ATP10B: variants seen among roughly 807,000 people sequenced by gnomAD.
The protein encoded by ATP10B is ATPase phospholipid transporting 10B (putative), also known as phospholipid-transporting ATPase VB.
ATP10B carries 122 observed loss-of-function variants against 141.2 expected under a neutral mutation model. The ratio of observed to expected loss-of-function variants is 0.86; its 90% CI spans 0.75 to 1.00. The LOEUF (loss-of-function observed/expected upper bound fraction) is 1.00, where lower values mean the gene tolerates loss of function less well. Among genes scored for constraint, ATP10B ranks in the 50% least tolerant of loss-of-function variants. The pLI is 0.00. For missense variants in ATP10B, 1,876 were observed against 1,825.3 expected, an observed-to-expected ratio of 1.03 and a Z score of -0.51; for synonymous variants, 685 against 692.0, an observed-to-expected ratio of 0.99 and a Z score of 0.16.
chr5:160,708,303 G>T (rs1158878633), intron 3 of ATP10B, among the ~76,000 whole-genome samples: 1 of 152,128 alleles, frequency 6.6e-6, no homozygotes, highest in Non-Finnish European at 1.5e-5. Flanking sequence ...CGTGCAGGTA[G>T]CTACACTCAA....
chr5:160,817,784 C>T (rs1274055405), intron 1 of ATP10B, among the ~76,000 whole-genome samples: 1 of 152,162 alleles, frequency 6.6e-6, no homozygotes, highest in African/African-American at 2.4e-5. Context: ...CAGCATGGTA[C>T]TGGTACCAAA....
At chr5:160,903,846 C>T in the ATP10B span, among the ~76,000 whole-genome samples, 1 of 152,066 alleles carries the variant, frequency 6.6e-6, no homozygotes, top group African/African-American at 2.4e-5. Context: ...TATTTGCACC[C>T]GAGGTCAGCA....
intron 2 of ATP10B, among the ~76,000 whole-genome samples, chr5:160,726,331 G>T (rs1766356957): frequency 6.6e-6 from 1 of 152,174 alleles, no homozygotes. Flanking sequence ...GTATAACCAA[G>T]GTGAAACAGG....
chr5:160,650,246 C>A (rs567354021), intron 7 of ATP10B, among the ~76,000 whole-genome samples: 36 of 150,476 alleles, frequency 2.4e-4, no homozygotes, highest in African/African-American at 8.3e-4. Flanking sequence ...ATCTCCACAC[C>A]CACATATATT....
At chr5:160,668,341 A>G (rs1762455441) in intron 7 of ATP10B, among the ~76,000 whole-genome samples, 1 of 115,666 alleles carries the variant, frequency 8.6e-6, no homozygotes. Flanking sequence ...ACACACGTGT[A>G]TGTGTGTCAG....
Position 160,808,813 on chromosome 5 carries a change from A to G in ATP10B, c.-575-23010T>C, listed in dbSNP as rs80279847. Among the ~76,000 whole-genome samples, 1,067 of 152,288 alleles carry G rather than the reference A, an allele frequency of 7.0e-3. 18 individuals carry two copies. Among genetic ancestry groups the G allele is most frequent in the African/African-American group, 0.024 (1,005 of 41,558 alleles). On this transcript the variant is annotated intron_variant, in intron 1 of 25. Transcript: ENST00000327245. ...AGGGCTGCCATAACAAAGTGCCCCA[A>G]AACAAGTGACTTAAAGAGAATACAT... is the stretch of plus-strand genomic sequence containing the variant.
the ATP10B span, among the ~76,000 whole-genome samples, chr5:160,920,905 CCA>C: frequency 6.6e-6 from 1 of 152,166 alleles, no homozygotes; most frequent in South Asian, 2.1e-4. Context: ...AAGTTGAGAA[CCA>C]CAGTTTTAAG....
At chr5:160,748,298 C>T (rs1218902048) in intron 2 of ATP10B, among the ~76,000 whole-genome samples, 3 of 152,180 alleles carry the variant, frequency 2.0e-5, no homozygotes, top group Non-Finnish European at 4.4e-5. Context: ...GCTAGTGAAG[C>T]TTAGACAGGC....
At chr5:160,765,452 A>C (rs372555133) in intron 2 of ATP10B, among the ~76,000 whole-genome samples, 1 of 152,294 alleles carries the variant, frequency 6.6e-6, no homozygotes, top group South Asian at 2.1e-4. Flanking sequence ...AAACAAAAAC[A>C]TAAAATGGGG....
the ATP10B span, among the ~76,000 whole-genome samples, chr5:160,895,881 A>G: frequency 6.6e-6 from 1 of 152,244 alleles, no homozygotes; most frequent in Non-Finnish European, 1.5e-5. Context: ...ATTAGAACTC[A>G]AGATTAAGAA....
the ATP10B span, among the ~76,000 whole-genome samples, chr5:160,885,613 TGA>T: frequency 2.0e-5 from 3 of 152,160 alleles, no homozygotes; most frequent in African/African-American, 4.8e-5. Context: ...CCTGAATTAA[TGA>T]GAGAGAAAAA....
chr5:160,595,165 A>G (rs1044253705), intron 22 of ATP10B, among the ~76,000 whole-genome samples: 2 of 152,218 alleles, frequency 1.3e-5, no homozygotes, highest in Non-Finnish European at 2.9e-5. Context: ...AGCAAATGTA[A>G]AAGAACAGAA....
At chr5:160,856,877 A>T (rs899255865), upstream of ATP10B, among the ~76,000 whole-genome samples, 3 of 151,692 alleles carry the variant, frequency 2.0e-5, no homozygotes, top group African/African-American at 4.8e-5. Context: ...ACATTAATTG[A>T]TTTTCAGATC....
the ATP10B span, among the ~76,000 whole-genome samples, chr5:160,887,053 T>G: frequency 2.6e-5 from 4 of 152,194 alleles, no homozygotes; most frequent in East Asian, 7.7e-4. Flanking sequence ...GACAGAATTA[T>G]GAAAAGCATT....
chr5:160,856,054 C>A (rs1000872619), upstream of ATP10B, among the ~76,000 whole-genome samples: 2 of 151,460 alleles, frequency 1.3e-5, no homozygotes, highest in South Asian at 2.1e-4. Flanking sequence ...TTTAACTATT[C>A]TTGGTTTCAT....
At position 160,612,812 on chromosome 5, in the gene ATP10B, C is replaced by T. The variant is rs781780656; in HGVS notation, c.2767G>A (p.Val923Ile). The change falls in exon 18 of 26, where the codon GTC (valine) becomes ATC (isoleucine). Residue 923 changes from valine (V) to isoleucine (I), a missense_variant. By Grantham distance (29) the Val-to-Ile change is conservative. Transcript: ENST00000327245. ...VLTGDKQETAVNIAHSCRLLN... is the reference protein window; with the variant it reads ...VLTGDKQETAINIAHSCRLLN... ...AGTCTGCAGGAATGGGCAATGTTGA[C>T]CGCTGTCTCCTGCTTATCTCCAGTC... 6.2e-7 allele frequency: 1 copy of T among 1,614,080 alleles called. No individual in the cohort carries two copies. The highest frequency in any genetic ancestry group is 2.2e-5 in the East Asian group (1 of 44,880).
At chr5:160,752,636 GT>G (rs2127825188) in intron 2 of ATP10B, among the ~76,000 whole-genome samples, 1 of 152,246 alleles carries the variant, frequency 6.6e-6, no homozygotes, top group Non-Finnish European at 1.5e-5. Context: ...ATTTTTTGAA[GT>G]ACTGAAAAAT....
rs1765498318 is a variant in ATP10B, at chr5:160,714,853, G to C, written c.-205+2056C>G. On this transcript the variant is annotated intron_variant, in intron 3 of 25. Transcript: ENST00000327245. ...CTAACAGACAGGACCCTCAGCTGCA[G>C]GTCTGTTGGAATACCCTGCCGTGTG... 2.0e-5 allele frequency among the ~76,000 whole-genome samples: 3 copies of C among 147,792 alleles called. No individual in the cohort carries two copies. The South Asian group carries it at 6.6e-4, about 33-fold the overall frequency.
rs185209751 is a variant in ATP10B, at chr5:160,670,627, G to T, written c.511C>A (p.Arg171Ser). 1 of 1,613,774 alleles carries T rather than the reference G, an allele frequency of 6.2e-7. No individual in the cohort carries two copies. The highest frequency in any genetic ancestry group is 1.1e-5 in the South Asian group (1 of 91,054). The change falls in exon 7 of 26, where the codon CGC becomes AGC. Residue 171 changes from arginine to serine, a missense_variant. By Grantham distance (110) the Arg-to-Ser change is moderately radical. Transcript: ENST00000327245. ...TYVQKCWKDVRVGDFIQMKCN... is the reference protein window; with the variant it reads ...TYVQKCWKDVSVGDFIQMKCN... ...TTCATTTGGATGAAGTCTCCCACGCGCACATCCTTCCAGCACTTCTGCACA... is the reference window on the plus strand; with the variant it reads ...TTCATTTGGATGAAGTCTCCCACGCTCACATCCTTCCAGCACTTCTGCACA...
Sources: gnomAD v4.1 joint callset for allele counts (sites outside exome capture counted in the v4.1 genomes callset) on GRCh38, gnomAD v4.1.1 for gene constraint, MANE v1.5 for transcripts, NCBI Gene and HGNC (gene_info 2026-07-23, HGNC 2026-07-21) for gene names.